Variants in TCP11L2 observed in about 807,000 individuals in gnomAD.
TCP11L2 encodes the protein T-complex protein 11-like protein 2.
A neutral mutation model predicts 50.7 loss-of-function variants in TCP11L2; 39 were observed. That is an observed-to-expected ratio of 0.77 (90% CI 0.60 to 1.01). The LOEUF is 1.01. Among genes scored for constraint, TCP11L2 ranks in the 50% least tolerant of loss-of-function variants. The pLI, the probability that TCP11L2 is intolerant of heterozygous loss-of-function variation, is 0.00. For synonymous variants in TCP11L2, 192 were observed against 219.3 expected (o/e 0.88, Z 1.10); for missense variants, 612 against 614.7 (o/e 1.00, Z 0.05).
chr12:106,318,355 G>T lies in TCP11L2; in HGVS notation c.305G>T (p.Arg102Leu), dbSNP rs757196033. ...TTTTATTGCCATAGTTTGGCTGGTCGAGTGAAGCACATTGTTCACCAGGCC... is the reference window on the plus strand; with the variant it reads ...TTTTATTGCCATAGTTTGGCTGGTCTAGTGAAGCACATTGTTCACCAGGCC... ...EALPEKSLAG[R>L]VKHIVHQAFW... The change falls in exon 4 of 10, where the codon CGA (arginine) becomes CTA (leucine). Residue 102 changes from arginine to leucine, a missense_variant. Physicochemically the swap from Arg to Leu is moderately radical, Grantham distance 102. Coordinates refer to ENST00000299045, the MANE Select transcript of TCP11L2 (RefSeq NM_152772.3). 2.5e-6 allele frequency: 4 copies of T among 1,613,048 alleles called. No homozygotes were observed. The South Asian group carries it at 4.4e-5, about 18-fold the overall frequency.
chr12:106,300,029 G>A (rs1397921201), upstream of TCP11L2, among the ~76,000 whole-genome samples: 4 of 151,632 alleles, frequency 2.6e-5, no homozygotes, highest in Non-Finnish European at 5.9e-5. Flanking sequence ...GTAATTTACA[G>A]GGAGAAAAAA....
intron 4 of TCP11L2, among the ~76,000 whole-genome samples, chr12:106,319,466 C>T (rs2035255564): frequency 6.6e-6 from 1 of 152,202 alleles, no homozygotes; most frequent in Admixed American, 6.5e-5. Flanking sequence ...TCCCCCTGCA[C>T]CTCCTGGAGT....
chr12:106,319,135 T>C lies in TCP11L2; in HGVS notation c.414+671T>C, dbSNP rs560948077. 1.2e-3 allele frequency among the ~76,000 whole-genome samples: 176 copies of C among 152,196 alleles called. 1 individual carries two copies. The highest frequency in any genetic ancestry group is 3.4e-3 in the Middle Eastern group (1 of 294). ...ACCTTGTTAGCCAGGATGGTCTCGA[T>C]CTCCTGACCTCATGATTCGCCCACC... On this transcript the variant is annotated intron_variant, in intron 4 of 9. Transcript: ENST00000299045.
intron 9 of TCP11L2, among the ~76,000 whole-genome samples, chr12:106,343,572 T>C (rs1234020250): frequency 1.3e-5 from 2 of 152,126 alleles, no homozygotes; most frequent in South Asian, 2.1e-4. Context: ...TTTGAAAAGA[T>C]ATTAGAAAGG....
chr12:106,330,498 T>G (rs897606343), intron 6 of TCP11L2, among the ~76,000 whole-genome samples: 3 of 152,054 alleles, frequency 2.0e-5, no homozygotes, highest in African/African-American at 7.2e-5. Flanking sequence ...AAACATTTTA[T>G]AGTGAACAGG....
intron 3 of TCP11L2, 40 bp downstream of exon 3, chr12:106,314,533 TTC>T (rs768247305): frequency 9.3e-5 from 137 of 1,477,268 alleles, no homozygotes; most frequent in Non-Finnish European, 1.1e-4. Context: ...CTGCTGAAGA[TTC>T]TGTGTGTGTG....
At chr12:106,298,413 G>A (rs1341753536), upstream of TCP11L2, among the ~76,000 whole-genome samples, 1 of 152,088 alleles carries the variant, frequency 6.6e-6, no homozygotes, top group Non-Finnish European at 1.5e-5. Flanking sequence ...GCTTTCTATT[G>A]TATTTTCCCC....
intron 1 of TCP11L2, among the ~76,000 whole-genome samples, chr12:106,307,682 GTTT>G (rs1592925413): frequency 6.6e-6 from 1 of 152,110 alleles, no homozygotes; most frequent in African/African-American, 2.4e-5. Flanking sequence ...TTCGCTTTTG[GTTT>G]TTGTCTGTCA....
In TCP11L2 at chr12:106,346,566, A is replaced by G. The variant is rs368769817; in HGVS notation, c.*36A>G. Reference sequence around the variant, plus strand: ...ACATTGGACGAGAGATTGGAAATCCAGTACTTTGGTATCCAGTCCACTTCC... The same window carrying G: ...ACATTGGACGAGAGATTGGAAATCCGGTACTTTGGTATCCAGTCCACTTCC... On this transcript the variant is annotated 3_prime_UTR_variant, in exon 10 of 10. Transcript: ENST00000299045. The G allele has an allele frequency of 5.7e-6, 9 of 1,588,358 alleles. No individual in the cohort carries two copies. The highest frequency in any genetic ancestry group is 6.8e-6 in the Non-Finnish European group (8 of 1,169,394).
At chr12:106,299,130 T>C (rs1285445887), upstream of TCP11L2, among the ~76,000 whole-genome samples, 2 of 152,162 alleles carry the variant, frequency 1.3e-5, no homozygotes, top group African/African-American at 2.4e-5. Context: ...TTTTTGCTTT[T>C]TGTTTTTGTT....
rs2035679232 is a variant in TCP11L2 at position 106,329,670 on chromosome 12, G to A, written c.773-5969G>A. The A allele has an allele frequency of 6.8e-6, 8 of 1,183,070 alleles. No homozygotes were observed. In the South Asian group the frequency reaches 2.5e-4, roughly 37 times the overall value. 73.3% of individuals were successfully genotyped at this position (1,183,070 alleles called of 1,614,324 possible). A position where few individuals can be genotyped will look rare whatever the true frequency, so the allele number is the denominator to read the frequency against. On this transcript the variant is annotated intron_variant, in intron 6 of 9. Coordinates refer to ENST00000299045, the MANE Select transcript of TCP11L2 (RefSeq NM_152772.3). ...GGATTGAGAACCACTATGCCACACT[G>A]TTGCTTTTGTTCAAGGTAACTAAAT... is the stretch of plus-strand genomic sequence containing the variant.
intron 8 of TCP11L2, among the ~76,000 whole-genome samples, chr12:106,336,524 A>C (rs1206797548): frequency 1.3e-5 from 2 of 151,314 alleles, no homozygotes; most frequent in Non-Finnish European, 2.9e-5. Flanking sequence ...AAATCTGCCA[A>C]GCTTGATGTT....
chr12:106,329,179 C>A, intron 6 of TCP11L2: 1 of 901,880 alleles, frequency 1.1e-6, no homozygotes, highest in South Asian at 1.6e-5. Flanking sequence ...CTGTCTCTCC[C>A]TTACTAGACT....
rs1182779237 is a variant in TCP11L2, at chr12:106,340,914, A to G, written c.1231A>G (p.Thr411Ala). The G allele has an allele frequency of 6.2e-7, 1 of 1,613,434 alleles. No individual in the cohort carries two copies. Among genetic ancestry groups the G allele is most frequent in the Admixed American group, 1.7e-5 (1 of 59,978 alleles). The change falls in exon 9 of 10, where the codon ACT (threonine) becomes GCT (alanine). Residue 411 changes from threonine to alanine, a missense_variant. Physicochemically the swap from Thr to Ala is moderately conservative, Grantham distance 58. Transcript: ENST00000299045. Reference sequence around the variant, plus strand: ...GACCCTGATGGAAAGAGGTTTACCCACTTTAAATGCTGAGATTCAAGCTAA... The same window carrying G: ...GACCCTGATGGAAAGAGGTTTACCCGCTTTAAATGCTGAGATTCAAGCTAA... ...NKTLMERGLP[T>A]LNAEIQANLI...
intron 9 of TCP11L2, among the ~76,000 whole-genome samples, chr12:106,342,961 C>G (rs1313306352): frequency 6.6e-6 from 1 of 152,208 alleles, no homozygotes; most frequent in Admixed American, 6.5e-5. Flanking sequence ...GGTAAAGCAA[C>G]TTTTGTCCAC....
At chr12:106,315,951 T>C (rs1241842225) in intron 3 of TCP11L2, among the ~76,000 whole-genome samples, 2 of 152,270 alleles carry the variant, frequency 1.3e-5, no homozygotes, top group African/African-American at 2.4e-5. Context: ...TCAGAACTTT[T>C]TCATTTGTTT....
upstream of TCP11L2, among the ~76,000 whole-genome samples, chr12:106,302,519 G>A (rs1184486041): frequency 6.7e-6 from 1 of 148,362 alleles, no homozygotes; most frequent in Non-Finnish European, 1.5e-5. Context: ...TTCTCACCCC[G>A]CCCCCGGCAG....
intron 1 of TCP11L2, among the ~76,000 whole-genome samples, chr12:106,309,037 G>A (rs2034746352): frequency 6.6e-6 from 1 of 152,210 alleles, no homozygotes. Flanking sequence ...ACCAAGAGGA[G>A]TGCTATTCAC....
chr12:106,305,086 G>C (rs796877805), intron 1 of TCP11L2, among the ~76,000 whole-genome samples: 5 of 152,306 alleles, frequency 3.3e-5, no homozygotes, highest in African/African-American at 1.2e-4. Flanking sequence ...TGGAGTGGTA[G>C]AGAGCATGGG....
Sources: allele counts gnomAD v4.1 joint callset (sites outside exome capture counted in the v4.1 genomes callset), GRCh38; gene constraint gnomAD v4.1.1; transcripts MANE v1.5; gene names NCBI Gene and HGNC (gene_info 2026-07-23, HGNC 2026-07-21).